Variants in RAB3GAP2 observed in about 807,000 individuals in gnomAD.
The protein encoded by RAB3GAP2 is rab3 GTPase-activating protein non-catalytic subunit.
Under a neutral mutation model 185.3 loss-of-function variants are expected in RAB3GAP2, and 87 were observed. The observed-to-expected ratio is 0.47, with a 90% CI of 0.39 to 0.56. The LOEUF is 0.56. Ranked by LOEUF, RAB3GAP2 falls within the 20% of genes least tolerant of loss-of-function variation. The pLI is 0.00. For synonymous variants in RAB3GAP2, 554 were observed against 576.1 expected (o/e 0.96, Z 0.55); for missense variants, 1,492 against 1,638.2 (o/e 0.91, Z 1.54).
chr1:220,214,478 A>T (rs1659146634), intron 2 of RAB3GAP2, among the ~76,000 whole-genome samples: 1 of 151,954 alleles, frequency 6.6e-6, no homozygotes. Flanking sequence ...GTGAGCTGAG[A>T]TCGCACCACT....
chr1:220,218,570 C>A (rs1659243598), intron 2 of RAB3GAP2, among the ~76,000 whole-genome samples: 1 of 152,016 alleles, frequency 6.6e-6, no homozygotes, highest in Non-Finnish European at 1.5e-5. Flanking sequence ...TGGGGAACAT[C>A]ACACACCAGG....
chr1:220,233,696 T>C (rs757211901), intron 1 of RAB3GAP2, among the ~76,000 whole-genome samples: 9 of 152,114 alleles, frequency 5.9e-5, no homozygotes, highest in Non-Finnish European at 1.2e-4. Context: ...GCAATACATA[T>C]AAAGTGTATG....
intron 2 of RAB3GAP2, chr1:220,219,739 A>G (rs1659266677): frequency 6.6e-6 from 1 of 152,220 alleles, no homozygotes. Flanking sequence ...TGATGAAAAT[A>G]TTGGTATAGT....
At chr1:220,270,770 T>C (rs527862673) in intron 1 of RAB3GAP2, among the ~76,000 whole-genome samples, 66 of 152,350 alleles carry the variant, frequency 4.3e-4, no homozygotes, top group African/African-American at 1.5e-3. Context: ...ACATTACAGG[T>C]CTTCAACAAA....
intron 26 of RAB3GAP2, among the ~76,000 whole-genome samples, chr1:220,166,039 T>G (rs1658055562): frequency 6.6e-6 from 1 of 152,220 alleles, no homozygotes; most frequent in Non-Finnish European, 1.5e-5. Context: ...ACATTCCTTT[T>G]TAATAAAATG....
intron 21 of RAB3GAP2, among the ~76,000 whole-genome samples, chr1:220,175,254 T>C (rs1029664061): frequency 6.6e-6 from 1 of 151,608 alleles, no homozygotes; most frequent in Non-Finnish European, 1.5e-5. Flanking sequence ...TGAGACAGAG[T>C]CTCACTCTGT....
intron 28 of RAB3GAP2, among the ~76,000 whole-genome samples, chr1:220,160,743 C>A (rs934189540): frequency 4.6e-5 from 7 of 152,162 alleles, no homozygotes; most frequent in Admixed American, 1.3e-4. Flanking sequence ...ATATAGGCAT[C>A]CACCAAAATT....
intron 1 of RAB3GAP2, among the ~76,000 whole-genome samples, chr1:220,244,824 C>G (rs1659766050): frequency 6.6e-6 from 1 of 152,064 alleles, no homozygotes; most frequent in Non-Finnish European, 1.5e-5. Context: ...AAAATCAACT[C>G]AAGATAGATG....
chr1:220,201,752 G>A (rs529534273), intron 9 of RAB3GAP2, among the ~76,000 whole-genome samples: 9 of 152,110 alleles, frequency 5.9e-5, no homozygotes, highest in African/African-American at 1.7e-4. Flanking sequence ...CACCCACCTC[G>A]GCCTCCCAAA....
rs747310001 is a variant in RAB3GAP2, at chr1:220,212,913, C to G, written c.360G>C (p.Trp120Cys). The G allele has an allele frequency of 1.2e-6, 2 of 1,613,702 alleles. No individual in the cohort carries two copies. The highest frequency in any genetic ancestry group is 1.7e-6 in the Non-Finnish European group (2 of 1,179,722). ...GKEEMQFAVGWSGSLNVEEGE... is the reference protein window; with the variant it reads ...GKEEMQFAVGCSGSLNVEEGE... ...CTTCTTCGACATTTAAGGAACCACT[C>G]CAGCCAACAGCAAATTGCATTTCTT... Residue 120 changes from tryptophan (W) to cysteine (C), a missense_variant, in exon 4 of 35, where the codon TGG (tryptophan) becomes TGC (cysteine). Physicochemically the swap from Trp to Cys is radical, Grantham distance 215. This residue lies in a region of RAB3GAP2 where 177 missense variants were observed against 160.6 expected (regional missense o/e 1.10). Coordinates refer to ENST00000358951, the MANE Select transcript of RAB3GAP2 (RefSeq NM_012414.4).
intron 2 of RAB3GAP2, chr1:220,220,508 C>G (rs1659286662): frequency 6.6e-6 from 1 of 152,382 alleles, no homozygotes; most frequent in Non-Finnish European, 1.5e-5. Flanking sequence ...CTGAAAAGGC[C>G]TCTGTCCCGT....
At chr1:220,221,971 T>C (rs1233832688) in intron 2 of RAB3GAP2, among the ~76,000 whole-genome samples, 1 of 152,240 alleles carries the variant, frequency 6.6e-6, no homozygotes, top group Non-Finnish European at 1.5e-5. Flanking sequence ...TCATTTGCAA[T>C]TTATGTTGTT....
chr1:220,234,059 G>A (rs563071704), intron 1 of RAB3GAP2, among the ~76,000 whole-genome samples: 1 of 152,252 alleles, frequency 6.6e-6, no homozygotes, highest in South Asian at 2.1e-4. Context: ...AGCACTTACT[G>A]TCTCTGTGAC....
intron 1 of RAB3GAP2, among the ~76,000 whole-genome samples, chr1:220,238,913 T>C (rs1659641448): frequency 6.6e-6 from 1 of 152,220 alleles, no homozygotes; most frequent in Admixed American, 6.5e-5. Flanking sequence ...ATTAGGCTCT[T>C]ACAGGGCAGA....
intron 9 of RAB3GAP2, among the ~76,000 whole-genome samples, chr1:220,199,371 T>C (rs1361066349): frequency 6.6e-6 from 1 of 152,054 alleles, no homozygotes; most frequent in East Asian, 1.9e-4. Flanking sequence ...CAGCAGGGGG[T>C]GAAAATATTT....
intron 21 of RAB3GAP2, among the ~76,000 whole-genome samples, chr1:220,177,515 C>T (rs1165754993): frequency 6.6e-6 from 1 of 152,038 alleles, no homozygotes; most frequent in Admixed American, 6.6e-5. Flanking sequence ...TGTGATCTCT[C>T]AGACAAAGAA....
intron 1 of RAB3GAP2, among the ~76,000 whole-genome samples, chr1:220,250,988 A>C (rs1358525147): frequency 2.0e-5 from 3 of 152,206 alleles, no homozygotes; most frequent in Non-Finnish European, 4.4e-5. Context: ...AGAATGGAGT[A>C]ATACAAGTAC....
chr1:220,253,956 C>T (rs1571930952), intron 1 of RAB3GAP2: 1 of 1,613,362 alleles, frequency 6.2e-7, no homozygotes, highest in Admixed American at 1.7e-5. Flanking sequence ...CCAGTGAGAC[C>T]CCTCAGCCTC....
intron 1 of RAB3GAP2, among the ~76,000 whole-genome samples, chr1:220,237,042 G>T (rs545234129): frequency 6.6e-6 from 1 of 152,150 alleles, no homozygotes; most frequent in Non-Finnish European, 1.5e-5. Context: ...TTTCTTAGAA[G>T]AATAAATAGA....
Sources: allele counts gnomAD v4.1 joint callset (sites outside exome capture counted in the v4.1 genomes callset), GRCh38; gene constraint gnomAD v4.1.1; regional missense constraint gnomAD v4.1.1; transcripts MANE v1.5; gene names NCBI Gene and HGNC (gene_info 2026-07-23, HGNC 2026-07-21).